SGCD: variants seen among roughly 807,000 people sequenced by gnomAD.
SGCD encodes the protein delta-sarcoglycan.
In SGCD, 18 loss-of-function variants were observed where a neutral mutation model predicts 36.6. That is an observed-to-expected ratio of 0.49 (90% CI 0.34 to 0.73). SGCD has a LOEUF of 0.73. SGCD is among the 30% of genes least tolerant of loss of function. SGCD has a pLI of 0.01. For synonymous variants in SGCD, 133 were observed against 130.6 expected, an observed-to-expected ratio of 1.02 and a Z score of -0.12; for missense variants, 387 against 346.7, an observed-to-expected ratio of 1.12 and a Z score of -0.92.
chr5:156,577,371 T>C (rs1760009690), intron 4 of SGCD, among the ~76,000 whole-genome samples: 1 of 152,216 alleles, frequency 6.6e-6, no homozygotes, highest in Admixed American at 6.5e-5. Flanking sequence ...AGCTTTGTTC[T>C]TTTTGCTTAG....
chr5:156,528,401 CT>C (rs943020723), intron 4 of SGCD, among the ~76,000 whole-genome samples: 1 of 151,950 alleles, frequency 6.6e-6, no homozygotes, highest in Non-Finnish European at 1.5e-5. Context: ...ATACTATTAT[CT>C]TTTTTTGCCA....
intron 3 of SGCD, among the ~76,000 whole-genome samples, chr5:156,291,313 G>T (rs779953820): frequency 2.0e-5 from 3 of 151,958 alleles, no homozygotes; most frequent in African/African-American, 7.2e-5. Flanking sequence ...CAAATACCCT[G>T]TCTTGGTCAT....
At chr5:156,426,784 G>A (rs895122757) in intron 3 of SGCD, among the ~76,000 whole-genome samples, 2 of 151,218 alleles carry the variant, frequency 1.3e-5, no homozygotes, top group African/African-American at 4.8e-5. Context: ...CTTGTGGCTT[G>A]TTAGTTGAAT....
intron 1 of SGCD, among the ~76,000 whole-genome samples, chr5:156,097,240 T>A (rs1271350422): frequency 6.6e-6 from 1 of 152,160 alleles, no homozygotes; most frequent in Non-Finnish European, 1.5e-5. Context: ...GTAGTTTGTA[T>A]CTTTCACCAA....
At chr5:155,728,788 C>A in the SGCD span, among the ~76,000 whole-genome samples, 2 of 152,236 alleles carry the variant, frequency 1.3e-5, no homozygotes, top group African/African-American at 2.4e-5. Context: ...CTGCGCCAGA[C>A]CTGGGAGCGA....
At chr5:156,262,737 C>T (rs2127665883) in intron 3 of SGCD, among the ~76,000 whole-genome samples, 1 of 152,024 alleles carries the variant, frequency 6.6e-6, no homozygotes, top group East Asian at 1.9e-4. Context: ...AGTCTTATGC[C>T]TTTGCATCCT....
At chr5:156,325,186 C>T (rs572386756), upstream of SGCD, among the ~76,000 whole-genome samples, 2 of 152,044 alleles carry the variant, frequency 1.3e-5, no homozygotes, top group African/African-American at 4.8e-5. Flanking sequence ...GTATAGCTGG[C>T]TTAATGTTCC....
chr5:156,092,348 A>G (rs1163743186), intron 1 of SGCD, among the ~76,000 whole-genome samples: 1 of 152,168 alleles, frequency 6.6e-6, no homozygotes, highest in African/African-American at 2.4e-5. Context: ...TTCTGCAGAG[A>G]CACATTATAT....
At chr5:156,674,880 A>G (rs947292909) in intron 7 of SGCD, among the ~76,000 whole-genome samples, 21 of 152,068 alleles carry the variant, frequency 1.4e-4, no homozygotes, top group African/African-American at 4.8e-4. Context: ...TTTCAGAAGT[A>G]CTCCTCTAAG....
intron 4 of SGCD, among the ~76,000 whole-genome samples, chr5:156,538,122 T>A (rs1488660660): frequency 6.6e-6 from 1 of 151,522 alleles, no homozygotes; most frequent in African/African-American, 2.4e-5. Flanking sequence ...AAAAATACCA[T>A]TGACTAAGGA....
rs146604569 is a variant in SGCD at position 155,933,011 on chromosome 5, A to G, written c.-282+62587A>G. ...ACCTCTTCTGCATTTTCATTTTATA[A>G]ATAAGGAAACAAAACCAAGAGGGTT... On this transcript the variant is annotated intron_variant, in intron 1 of 9. Coordinates refer to the SGCD transcript ENST00000517913. Among the ~76,000 whole-genome samples, 215 of 152,350 alleles carry G rather than the reference A, an allele frequency of 1.4e-3. 1 individual carries two copies. The highest frequency in any genetic ancestry group is 5.1e-3 in the African/African-American group (210 of 41,578).
At chr5:156,622,531 C>T (rs1201962446) in intron 6 of SGCD, among the ~76,000 whole-genome samples, 1 of 141,590 alleles carries the variant, frequency 7.1e-6, no homozygotes, top group East Asian at 2.1e-4. Context: ...GTCTCCATAA[C>T]AAAGACAGAT....
chr5:155,902,647 C>T (rs1450030684), intron 1 of SGCD, among the ~76,000 whole-genome samples: 1 of 152,090 alleles, frequency 6.6e-6, no homozygotes, highest in Non-Finnish European at 1.5e-5. Context: ...GACCTTGGCA[C>T]CTTTATCTGC....
At chr5:156,612,659 G>A (rs960427570) in intron 6 of SGCD, among the ~76,000 whole-genome samples, 37 of 152,356 alleles carry the variant, frequency 2.4e-4, no homozygotes, top group African/African-American at 8.7e-4. Context: ...CCTAGGCTCT[G>A]AGTAGCCAGG....
intron 6 of SGCD, among the ~76,000 whole-genome samples, chr5:156,601,229 G>GT (rs1203159833): frequency 6.6e-6 from 1 of 152,126 alleles, no homozygotes; most frequent in East Asian, 1.9e-4. Flanking sequence ...ATATCATGAA[G>GT]TATTTTCTCT....
At chr5:155,873,314 G>A (rs1755700154) in intron 1 of SGCD, among the ~76,000 whole-genome samples, 1 of 152,104 alleles carries the variant, frequency 6.6e-6, no homozygotes, top group Non-Finnish European at 1.5e-5. Flanking sequence ...CTAACATGCA[G>A]CCACTTGAAT....
intron 3 of SGCD, among the ~76,000 whole-genome samples, chr5:156,287,393 A>T (rs1271551745): frequency 6.6e-6 from 1 of 152,138 alleles, no homozygotes; most frequent in Non-Finnish European, 1.5e-5. Flanking sequence ...AAATGTAGCT[A>T]GAGAGGGTTG....
chr5:156,626,790 C>T (rs1762455717), intron 6 of SGCD, among the ~76,000 whole-genome samples: 1 of 83,994 alleles, frequency 1.2e-5, no homozygotes, highest in Admixed American at 1.0e-4. Flanking sequence ...TAATCCACTC[C>T]CCCCCACCCT....
chr5:156,716,080 C>T (rs1205092005), intron 7 of SGCD, among the ~76,000 whole-genome samples: 1 of 152,118 alleles, frequency 6.6e-6, no homozygotes, highest in Non-Finnish European at 1.5e-5. Flanking sequence ...GAAAAATTTG[C>T]AAGACAGCCT....
Sources: allele counts gnomAD v4.1 joint callset (sites outside exome capture counted in the v4.1 genomes callset), GRCh38; gene constraint gnomAD v4.1.1; transcripts MANE v1.5; gene names NCBI Gene and HGNC (gene_info 2026-07-23, HGNC 2026-07-21).